The following BMPER variants were observed in gnomAD, a reference collection of about 807,000 sequenced individuals.
The protein encoded by BMPER is BMP binding endothelial regulator.
In BMPER, 45 loss-of-function variants were observed where a neutral mutation model predicts 87.3. The observed-to-expected ratio is 0.52, with a 90% CI of 0.41 to 0.66. The LOEUF (loss-of-function observed/expected upper bound fraction) is 0.66, where lower values mean the gene tolerates loss of function less well. Among genes scored for constraint, BMPER ranks in the 30% least tolerant of loss-of-function variants. BMPER has a pLI of 0.00. For synonymous variants in BMPER, 326 were observed against 316.2 expected, an observed-to-expected ratio of 1.03 and a Z score of -0.33; for missense variants, 784 against 867.5, an observed-to-expected ratio of 0.90 and a Z score of 1.21.
In BMPER at chr7:34,084,000, TTA is replaced by T. The variant is rs1491456387; in HGVS notation, c.1409-1755_1409-1754del. 9.5e-4 allele frequency among the ~76,000 whole-genome samples: 117 copies of T among 122,978 alleles called. 1 individual carries two copies. The highest frequency in any genetic ancestry group is 3.8e-3 in the African/African-American group (108 of 28,566). 80.7% of individuals were successfully genotyped at this position (122,978 alleles called of 152,430 possible). On this transcript the variant is annotated intron_variant, in intron 12 of 14. Coordinates refer to ENST00000649409, the MANE Select transcript of BMPER (RefSeq NM_001365308.1). ...TTGTCAGGATCACAAGAGGAAAGAT[TTA>T]AAAAAAAAAAAAAAAAAAAGGCCGC...
At chr7:34,028,222 T>G (rs888833431) in intron 6 of BMPER, among the ~76,000 whole-genome samples, 1 of 152,074 alleles carries the variant, frequency 6.6e-6, no homozygotes, top group African/African-American at 2.4e-5. Flanking sequence ...CCAATGTCTT[T>G]TATTAAGTGA....
chr7:34,151,236 G>T (rs1265511220), intron 14 of BMPER, among the ~76,000 whole-genome samples: 1 of 152,152 alleles, frequency 6.6e-6, no homozygotes. Context: ...CTCTGTTGTG[G>T]TTATTTCTGT....
chr7:33,929,368 C>T (rs73317690), intron 2 of BMPER, among the ~76,000 whole-genome samples: 5,344 of 152,228 alleles, frequency 0.035, 306 homozygotes, highest in African/African-American at 0.12. Flanking sequence ...TTGGCAGGTT[C>T]GGGTCCAGGT....
At position 33,990,563 on chromosome 7, in the gene BMPER, A is replaced by G. The variant is rs910984937; in HGVS notation, c.576+15779A>G. The stretch of plus-strand genomic sequence containing the variant: ...ATATACAATCATGTCATCTGCAAAC[A>G]GGGACAATTTGACTTCCTCTTTTTC... On this transcript the variant is annotated intron_variant, in intron 6 of 14. Coordinates refer to ENST00000649409, the MANE Select transcript of BMPER (RefSeq NM_001365308.1). 5.7e-3 allele frequency among the ~76,000 whole-genome samples: 868 copies of G among 151,614 alleles called. 8 individuals are homozygous for G. The highest frequency in any genetic ancestry group is 0.02 in the African/African-American group (831 of 41,326).
At chr7:33,987,752 C>T (rs1274434606) in intron 6 of BMPER, among the ~76,000 whole-genome samples, 3 of 152,050 alleles carry the variant, frequency 2.0e-5, no homozygotes, top group Non-Finnish European at 4.4e-5. Context: ...TGATTAACCA[C>T]ATTATGTTCC....
intron 14 of BMPER, among the ~76,000 whole-genome samples, chr7:34,146,127 A>T (rs139410646): frequency 6.6e-6 from 1 of 152,176 alleles, no homozygotes; most frequent in African/African-American, 2.4e-5. Context: ...AAATTTACAC[A>T]GATCTGTAGC....
At chr7:34,096,534 A>G (rs1434193073) in intron 13 of BMPER, among the ~76,000 whole-genome samples, 1 of 152,084 alleles carries the variant, frequency 6.6e-6, no homozygotes, top group African/African-American at 2.4e-5. Context: ...ATTCCTGGAC[A>G]CTCCAACACA....
chr7:33,966,440 T>C, intron 3 of BMPER, 39 bp from the exon 4 acceptor site: 1 of 1,560,224 alleles, frequency 6.4e-7, no homozygotes, highest in Non-Finnish European at 8.8e-7. Flanking sequence ...CCCATACCCA[T>C]TCTTGGCCTT....
intron 6 of BMPER, among the ~76,000 whole-genome samples, chr7:34,025,677 G>C (rs1279011435): frequency 6.6e-6 from 1 of 152,036 alleles, no homozygotes; most frequent in African/African-American, 2.4e-5. Flanking sequence ...GCATGAGCCA[G>C]TGTGGGTGAG....
At chr7:33,905,307 C>A (rs1009564236), upstream of BMPER, among the ~76,000 whole-genome samples, 36 of 151,698 alleles carry the variant, frequency 2.4e-4, no homozygotes, top group Non-Finnish European at 3.7e-4. Context: ...TCCTGGCCCC[C>A]TCTCCGGCGC....
At chr7:34,047,552 C>T (rs1464529055) in intron 7 of BMPER, among the ~76,000 whole-genome samples, 1 of 152,100 alleles carries the variant, frequency 6.6e-6, no homozygotes, top group Non-Finnish European at 1.5e-5. Context: ...GCTGGGATTA[C>T]AGGCGTGAGC....
intron 14 of BMPER, among the ~76,000 whole-genome samples, chr7:34,143,902 G>A (rs1790945945): frequency 1.3e-5 from 2 of 152,170 alleles, no homozygotes; most frequent in African/African-American, 4.8e-5. Flanking sequence ...TTACAAAGTG[G>A]CTAGGTAGTG....
chr7:33,944,297 C>G (rs1440659887), intron 3 of BMPER, among the ~76,000 whole-genome samples: 3 of 152,048 alleles, frequency 2.0e-5, no homozygotes, highest in Non-Finnish European at 2.9e-5. Context: ...TCCCAAGTAG[C>G]TGGGATTACA....
At chr7:34,007,184 G>T (rs1396515411) in intron 6 of BMPER, among the ~76,000 whole-genome samples, 1 of 151,898 alleles carries the variant, frequency 6.6e-6, no homozygotes, top group Non-Finnish European at 1.5e-5. Flanking sequence ...AGTGATCTTG[G>T]GCAAGTTGCT....
chr7:34,075,425 A>G (rs145270498), intron 11 of BMPER, among the ~76,000 whole-genome samples: 2 of 152,204 alleles, frequency 1.3e-5, no homozygotes, highest in African/African-American at 2.4e-5. Flanking sequence ...ACTCACTCCT[A>G]TTGTCTGGTT....
chr7:34,063,852 T>G (rs1420438270), intron 11 of BMPER, among the ~76,000 whole-genome samples: 1 of 152,236 alleles, frequency 6.6e-6, no homozygotes, highest in Non-Finnish European at 1.5e-5. Context: ...TCATAAAGTG[T>G]CTTCCAGTTG....
chr7:34,092,655 G>T (rs1186886132), intron 13 of BMPER, among the ~76,000 whole-genome samples: 1 of 152,126 alleles, frequency 6.6e-6, no homozygotes, highest in African/African-American at 2.4e-5. Context: ...TCACCCACAA[G>T]TAGGCTTTTT....
chr7:33,921,497 G>A (rs1347089658), intron 2 of BMPER, among the ~76,000 whole-genome samples: 1 of 152,202 alleles, frequency 6.6e-6, no homozygotes, highest in Admixed American at 6.5e-5. Context: ...TTCAGAGAAT[G>A]CCACCTAACC....
intron 6 of BMPER, among the ~76,000 whole-genome samples, chr7:34,022,639 G>A (rs1787225748): frequency 7.0e-6 from 1 of 143,540 alleles, no homozygotes; most frequent in South Asian, 2.3e-4. Flanking sequence ...GGCCTGCGAG[G>A]TTAATTTAGA....
Sources: gnomAD v4.1 joint callset for allele counts (sites outside exome capture counted in the v4.1 genomes callset) on GRCh38, gnomAD v4.1.1 for gene constraint, MANE v1.5 for transcripts, NCBI Gene and HGNC (gene_info 2026-07-23, HGNC 2026-07-21) for gene names.